The following FRMD3 variants were observed in gnomAD, a reference collection of about 807,000 sequenced individuals.
FRMD3 encodes the protein FERM domain containing 3.
In FRMD3, 33 loss-of-function variants were observed where a neutral mutation model predicts 70.2. The observed-to-expected ratio is 0.47, with a 90% confidence interval of 0.36 to 0.63. The LOEUF (loss-of-function observed/expected upper bound fraction) is 0.63, where lower values mean the gene tolerates loss of function less well. FRMD3 is among the 20% of genes least tolerant of loss of function. The probability of loss-of-function intolerance (pLI) is 0.00; values close to 1 mark genes in which losing one functional copy is unlikely to be tolerated. For missense variants in FRMD3, 632 were observed against 711.4 expected, an observed-to-expected ratio of 0.89 and a Z score of 1.27; for synonymous variants, 279 against 255.9, an observed-to-expected ratio of 1.09 and a Z score of -0.86.
At chr9:83,329,384 A>T (rs1384159535) in intron 6 of FRMD3, among the ~76,000 whole-genome samples, 2 of 152,192 alleles carry the variant, frequency 1.3e-5, no homozygotes, top group African/African-American at 4.8e-5. Flanking sequence ...TGGGGTTGTA[A>T]AATAACCAGA....
intron 1 of FRMD3, among the ~76,000 whole-genome samples, chr9:83,500,502 G>GTGTATGCACACACACA (rs1554713117): frequency 4.9e-5 from 7 of 143,704 alleles, no homozygotes; most frequent in African/African-American, 1.3e-4. Flanking sequence ...GTGTATGCGC[G>GTGTATGCACACACACA]CACACACACA....
chr9:83,488,055 C>G (rs1828726281), intron 1 of FRMD3, among the ~76,000 whole-genome samples: 1 of 152,154 alleles, frequency 6.6e-6, no homozygotes, highest in Non-Finnish European at 1.5e-5. Flanking sequence ...CTTTTAACTC[C>G]TACAGTTTTT....
At chr9:83,557,242 G>C in the FRMD3 span, among the ~76,000 whole-genome samples, 1 of 152,080 alleles carries the variant, frequency 6.6e-6, no homozygotes, top group South Asian at 2.1e-4. Context: ...AAGCAATGGC[G>C]CCATGCAAAC....
intron 5 of FRMD3, 108 bp from the exon 6 acceptor site, chr9:83,335,747 C>T: frequency 1.1e-6 from 1 of 902,628 alleles, no homozygotes; most frequent in Non-Finnish European, 1.6e-6. Context: ...CTGGAATAAA[C>T]TCACCCAAAA....
upstream of FRMD3, among the ~76,000 whole-genome samples, chr9:83,539,074 G>A (rs1829965042): frequency 6.6e-6 from 1 of 152,170 alleles, no homozygotes; most frequent in Non-Finnish European, 1.5e-5. Context: ...ACATCTTAGT[G>A]TGATCTTTGA....
chr9:83,339,079 G>A (rs374718893), intron 5 of FRMD3, among the ~76,000 whole-genome samples: 3 of 152,166 alleles, frequency 2.0e-5, no homozygotes, highest in African/African-American at 7.2e-5. Flanking sequence ...TGGTGAGGGA[G>A]GGCATCGTTT....
chr9:83,513,567 C>A (rs941902142), intron 1 of FRMD3, among the ~76,000 whole-genome samples: 29 of 152,136 alleles, frequency 1.9e-4, no homozygotes, highest in African/African-American at 7.0e-4. Flanking sequence ...CATTATATGT[C>A]CTTTATTTCT....
At chr9:83,307,879 G>A (rs1835195660) in intron 10 of FRMD3, among the ~76,000 whole-genome samples, 1 of 152,120 alleles carries the variant, frequency 6.6e-6, no homozygotes, top group South Asian at 2.1e-4. Flanking sequence ...ACTAAAGACT[G>A]AGAGCATCAA....
Position 83,274,614 on chromosome 9 carries a change from G to C in FRMD3, c.1195+15989C>G, listed in dbSNP as rs146421696. Among the ~76,000 whole-genome samples the C allele has an allele frequency of 1.6e-3, 241 of 152,286 alleles. 1 individual carries two copies. Among genetic ancestry groups the C allele is most frequent in the African/African-American group, 5.6e-3 (232 of 41,558 alleles). ...GGTGCTGGAAGGAGAAGCTTTGTCT[G>C]AGAGAGAAGGATAAGAGGGTCCAGG... On this transcript the variant is annotated intron_variant, in intron 13 of 13. Coordinates refer to ENST00000304195, the MANE Select transcript of FRMD3 (RefSeq NM_174938.6).
intron 1 of FRMD3, among the ~76,000 whole-genome samples, chr9:83,452,542 T>C (rs867931281): frequency 1.1e-4 from 16 of 152,058 alleles, no homozygotes; most frequent in Middle Eastern, 3.4e-3. Flanking sequence ...AGTGCAGTGG[T>C]GCGATCTCGG....
intron 1 of FRMD3, among the ~76,000 whole-genome samples, chr9:83,423,585 CTTTTTTTTT>C (rs869226126): frequency 5.0e-3 from 300 of 60,472 alleles, no homozygotes; most frequent in South Asian, 0.011. Flanking sequence ...AGCCCTGTTT[CTTTTTTTTT>C]TTTTTTTTTT....
At chr9:83,316,442 C>A (rs886881416) in intron 6 of FRMD3, among the ~76,000 whole-genome samples, 1 of 152,182 alleles carries the variant, frequency 6.6e-6, no homozygotes, top group African/African-American at 2.4e-5. Context: ...CAGGCATGAG[C>A]CACTTCACCT....
chr9:83,431,790 A>G (rs1826985044), intron 1 of FRMD3, among the ~76,000 whole-genome samples: 1 of 151,426 alleles, frequency 6.6e-6, no homozygotes, highest in Admixed American at 6.6e-5. Flanking sequence ...TTATTTTTCC[A>G]TACTCTCACC....
At chr9:83,269,653 A>G (rs931988020) in intron 13 of FRMD3, among the ~76,000 whole-genome samples, 4 of 150,880 alleles carry the variant, frequency 2.7e-5, no homozygotes, top group African/African-American at 7.3e-5. Flanking sequence ...AGGTTGCAGC[A>G]AGCCGAGATC....
chr9:83,378,743 TTATA>T (rs1403060784), intron 2 of FRMD3, among the ~76,000 whole-genome samples: 2 of 120,030 alleles, frequency 1.7e-5, no homozygotes, highest in South Asian at 4.4e-4. Flanking sequence ...ATACTTTATA[TTATA>T]TATAATATAT....
At chr9:83,483,391 T>C (rs1828613902) in intron 1 of FRMD3, among the ~76,000 whole-genome samples, 1 of 152,182 alleles carries the variant, frequency 6.6e-6, no homozygotes, top group African/African-American at 2.4e-5. Context: ...TCTCAGGTAG[T>C]TCTTTATAGC....
At chr9:83,312,026 TA>T in intron 7 of FRMD3, 51 bp from the exon 8 acceptor site, 1 of 1,344,668 alleles carries the variant, frequency 7.4e-7, no homozygotes, top group Admixed American at 2.2e-5. Context: ...TTGAGAAAAA[TA>T]AAATAAATGA....
At chr9:83,551,849 T>C in the FRMD3 span, among the ~76,000 whole-genome samples, 1 of 152,150 alleles carries the variant, frequency 6.6e-6, no homozygotes, top group Admixed American at 6.5e-5. Flanking sequence ...ATTGTGTTTA[T>C]TTGGATCTTC....
intron 1 of FRMD3, among the ~76,000 whole-genome samples, chr9:83,432,570 G>T (rs954507289): frequency 3.9e-5 from 6 of 152,176 alleles, no homozygotes; most frequent in African/African-American, 1.4e-4. Context: ...CACTGCCTCA[G>T]GCCCTCCGGG....
Sources: allele counts gnomAD v4.1 joint callset (sites outside exome capture counted in the v4.1 genomes callset), GRCh38; gene constraint gnomAD v4.1.1; transcripts MANE v1.5; gene names NCBI Gene and HGNC (gene_info 2026-07-23, HGNC 2026-07-21).